Variants in MAP3K20 observed in about 807,000 individuals in gnomAD.
The protein encoded by MAP3K20 is HCCS-4.
In MAP3K20, 40 loss-of-function variants were observed where a neutral mutation model predicts 85.7. The ratio of observed to expected loss-of-function variants is 0.47; its 90% confidence interval spans 0.36 to 0.61. The LOEUF (loss-of-function observed/expected upper bound fraction) is 0.61, where lower values mean the gene tolerates loss of function less well. Ranked by LOEUF, MAP3K20 falls within the 20% of genes least tolerant of loss-of-function variation. The pLI is 0.00. For missense variants in MAP3K20, 817 were observed against 961.7 expected, an observed-to-expected ratio of 0.85 and a Z score of 1.99; for synonymous variants, 325 against 327.7, an observed-to-expected ratio of 0.99 and a Z score of 0.09.
chr2:173,131,337 C>T (rs1688612596), intron 2 of MAP3K20, among the ~76,000 whole-genome samples: 1 of 152,204 alleles, frequency 6.6e-6, no homozygotes, highest in South Asian at 2.1e-4. Flanking sequence ...TGAAATGCCA[C>T]AGTGTACCAG....
At chr2:173,103,599 A>G (rs1252610489) in intron 2 of MAP3K20, among the ~76,000 whole-genome samples, 3 of 152,218 alleles carry the variant, frequency 2.0e-5, no homozygotes, top group Admixed American at 6.5e-5. Context: ...GTGAGGAAAT[A>G]GAAAAAAATT....
chr2:173,180,609 G>A (rs1486842469), intron 3 of MAP3K20, among the ~76,000 whole-genome samples: 1 of 152,170 alleles, frequency 6.6e-6, no homozygotes, highest in Non-Finnish European at 1.5e-5. Flanking sequence ...CCAGGAGGTT[G>A]AGGCTGCAGG....
At chr2:173,222,746 G>A (rs1684284987) in intron 11 of MAP3K20, 2 of 985,334 alleles carry the variant, frequency 2.0e-6, no homozygotes, top group Non-Finnish European at 2.4e-6. Flanking sequence ...GCCTACCAGG[G>A]TTGTTTTTTG....
At chr2:173,191,213 A>T (rs2106275064) in intron 7 of MAP3K20, 36 bp downstream of exon 7, 1 of 1,607,814 alleles carries the variant, frequency 6.2e-7, no homozygotes, top group South Asian at 1.1e-5. Flanking sequence ...TACTAAGGGA[A>T]ATACAAAAAG....
rs4972399 is a variant in MAP3K20 at position 173,226,472 on chromosome 2, A to G, written c.988-3217A>G. 177,154 of 985,462 alleles carry G rather than the reference A, an allele frequency of 0.18. 16,274 individuals are homozygous for G. Among genetic ancestry groups the G allele is most frequent in the Admixed American group, 0.26 (4,180 of 16,266 alleles). The allele number at this position is 985,462 out of a possible 1,614,324, so 61.0% of individuals were successfully genotyped here. ...TTGAGTAAGACTGTTTTCCTGTTTA[A>G]GTGTTAAGCATCGCCAGACATAAAA... On this transcript the variant is annotated intron_variant, in intron 11 of 19. Transcript: ENST00000375213.
chr2:173,197,940 C>A, intron 7 of MAP3K20, 86 bp from the exon 8 acceptor site: 1 of 1,193,630 alleles, frequency 8.4e-7, no homozygotes, highest in Non-Finnish European at 1.2e-6. Flanking sequence ...TAATTAGATA[C>A]AATTACATGT....
At chr2:173,154,513 T>C (rs1689399099) in intron 2 of MAP3K20, among the ~76,000 whole-genome samples, 1 of 152,204 alleles carries the variant, frequency 6.6e-6, no homozygotes, top group South Asian at 2.1e-4. Context: ...TAGTTGACAC[T>C]GTCCATTACC....
intron 16 of MAP3K20, 95 bp from the exon 17 acceptor site, chr2:173,258,604 C>A: frequency 7.8e-6 from 5 of 642,272 alleles, no homozygotes; most frequent in East Asian, 2.9e-5. Flanking sequence ...TCCAATAATA[C>A]TTCATTTAGA....
intron 4 of MAP3K20, among the ~76,000 whole-genome samples, chr2:173,186,568 AAATT>A (rs1217617294): frequency 3.3e-5 from 5 of 152,110 alleles, no homozygotes; most frequent in Non-Finnish European, 4.4e-5. Context: ...AAAGATTTAA[AAATT>A]AACCTCTCTA....
intron 17 of MAP3K20, 118 bp downstream of exon 17, chr2:173,258,933 G>A (rs978056958): frequency 4.1e-5 from 23 of 567,742 alleles, no homozygotes; most frequent in Middle Eastern, 6.3e-4. Context: ...GCTCAGCCTC[G>A]AGCTGGCTGT....
In MAP3K20 at chr2:173,217,250, G is replaced by T. The variant is rs1178894652; in HGVS notation, c.987G>T (p.Pro329=). Residue 329 remains proline, a splice_region_variant and synonymous_variant, in exon 11 of 20, where the codon CCG becomes CCT. Transcript: ENST00000375213. The part of the protein sequence containing the change: ...EQKLTEQSNT[P]LLPSFEIGAW... ...AGCTGACAGAGCAGTCCAACACCCC[G>T]GTGAGTACCCTCCCCCTTCGCCGTC... The T allele has an allele frequency of 1.9e-6, 3 of 1,562,276 alleles. No individual in the cohort carries two copies. Among genetic ancestry groups the T allele is most frequent in the African/African-American group, 1.4e-5 (1 of 72,980 alleles).
Position 173,182,953 on chromosome 2 carries a change from A to C in MAP3K20, c.347A>C (p.Lys116Thr). 6.2e-7 allele frequency: 1 copy of C among 1,604,182 alleles called. No individual in the cohort carries two copies. Among genetic ancestry groups the C allele is most frequent in the Non-Finnish European group, 8.5e-7 (1 of 1,175,622 alleles). Residue 116 changes from lysine to threonine, a missense_variant and splice_region_variant, in exon 4 of 20, where the codon AAA (lysine) becomes ACA (threonine). Physicochemically the swap from Lys to Thr is moderately conservative, Grantham distance 78. This residue lies in a region of MAP3K20 where 200 missense variants were observed against 302.7 expected (regional missense o/e 0.66). Transcript: ENST00000375213. ...ATGACCTGGGCCACTGATGTAGCCA[A>C]AGGTAATAATATTTGGTATATTCTT... ...HIMTWATDVA[K>T]GMHYLHMEAP...
chr2:173,187,925 T>C (rs1208366452), intron 5 of MAP3K20, among the ~76,000 whole-genome samples: 1 of 152,238 alleles, frequency 6.6e-6, no homozygotes, highest in Non-Finnish European at 1.5e-5. Context: ...CATCCCTAAT[T>C]ATTTCCCTAG....
At chr2:173,107,745 A>G (rs1687824224) in intron 2 of MAP3K20, among the ~76,000 whole-genome samples, 1 of 152,116 alleles carries the variant, frequency 6.6e-6, no homozygotes, top group Non-Finnish European at 1.5e-5. Flanking sequence ...TTTTTTATAA[A>G]ATGCAGATAA....
At chr2:173,077,609 T>G (rs1262911720) in intron 1 of MAP3K20, among the ~76,000 whole-genome samples, 1 of 152,178 alleles carries the variant, frequency 6.6e-6, no homozygotes, top group Non-Finnish European at 1.5e-5. Flanking sequence ...CTTTTTGAGA[T>G]TATTTGGGGA....
intron 11 of MAP3K20, among the ~76,000 whole-genome samples, chr2:173,219,058 C>CT (rs1684159161): frequency 6.6e-6 from 1 of 152,114 alleles, no homozygotes; most frequent in African/African-American, 2.4e-5. Flanking sequence ...AATGTGTCTT[C>CT]TGCTTAGAGC....
chr2:173,189,291 C>T (rs1284131423), intron 5 of MAP3K20, among the ~76,000 whole-genome samples: 1 of 152,072 alleles, frequency 6.6e-6, no homozygotes, highest in Non-Finnish European at 1.5e-5. Flanking sequence ...ACCAGGTTTA[C>T]CCTGAGGCTA....
intron 3 of MAP3K20, among the ~76,000 whole-genome samples, chr2:173,176,175 G>T (rs1052412252): frequency 6.6e-6 from 1 of 152,030 alleles, no homozygotes; most frequent in African/African-American, 2.4e-5. Flanking sequence ...TTAATTTCAA[G>T]ATCTTTGACT....
rs1423430560 is a variant in MAP3K20 at position 173,238,426 on chromosome 2, A to G, written c.1257A>G (p.Pro419=). The G allele has an allele frequency of 3.1e-6, 5 of 1,612,186 alleles. No homozygotes were observed. The highest frequency in any genetic ancestry group is 1.3e-5 in the African/African-American group (1 of 74,846). ...ACATAAATTTGTTTCACTTCCCACCACTAATTAAGGTAAGTAAGGTTTTTC... is the reference window on the plus strand; with the variant it reads ...ACATAAATTTGTTTCACTTCCCACCGCTAATTAAGGTAAGTAAGGTTTTTC... ...HDYINLFHFP[P]LIKDSGGEPE... is the part of the protein sequence containing the mutation. The change falls in exon 15 of 20, where the codon CCA becomes CCG. Residue 419 remains proline, a synonymous_variant. Coordinates refer to ENST00000375213, the MANE Select transcript of MAP3K20 (RefSeq NM_016653.3).
Sources: allele counts gnomAD v4.1 joint callset (sites outside exome capture counted in the v4.1 genomes callset), GRCh38; gene constraint gnomAD v4.1.1; regional missense constraint gnomAD v4.1.1; transcripts MANE v1.5; gene names NCBI Gene and HGNC (gene_info 2026-07-23, HGNC 2026-07-21).